The following NPSR1 variants were observed in gnomAD, a reference collection of about 807,000 sequenced individuals.
The protein encoded by NPSR1 is neuropeptide S receptor.
In NPSR1, 48 loss-of-function variants were observed where a neutral mutation model predicts 46.9. That is an observed-to-expected ratio of 1.02 (90% CI 0.81 to 1.30). The LOEUF is 1.30. Ranked by LOEUF, NPSR1 falls within the 50% of genes most tolerant of loss-of-function variation. NPSR1 has a pLI of 0.00. For synonymous variants in NPSR1, 176 were observed against 168.1 expected, an observed-to-expected ratio of 1.05 and a Z score of -0.36; for missense variants, 450 against 449.5, an observed-to-expected ratio of 1.00 and a Z score of -0.01.
chr7:34,664,451 C>T (rs10273903), intron 1 of NPSR1, among the ~76,000 whole-genome samples: 2 of 152,122 alleles, frequency 1.3e-5, no homozygotes, highest in Non-Finnish European at 2.9e-5. Context: ...CCACTCTTTT[C>T]TCAAGACAAC....
chr7:34,721,514 A>G (rs1328969551), intron 2 of NPSR1, among the ~76,000 whole-genome samples: 1 of 152,192 alleles, frequency 6.6e-6, no homozygotes, highest in East Asian at 1.9e-4. Context: ...TTGCCAAAGC[A>G]TTCTTATTCA....
intron 1 of NPSR1, among the ~76,000 whole-genome samples, chr7:34,678,483 A>G (rs2128679545): frequency 6.6e-6 from 1 of 152,208 alleles, no homozygotes; most frequent in Admixed American, 6.5e-5. Context: ...ATCTTGGAAA[A>G]TCTCTTACTT....
At position 34,658,237 on chromosome 7, in the gene NPSR1, G is replaced by A; in HGVS notation, c.-176G>A. On this transcript the variant is annotated 5_prime_UTR_variant, in exon 1 of 9. Transcript: ENST00000360581. ...CCTGGTGGTAATTGCCAAGGAGAGAGCAGCACGTAGATCCTCCCTGTCATC... is the reference window on the plus strand; with the variant it reads ...CCTGGTGGTAATTGCCAAGGAGAGAACAGCACGTAGATCCTCCCTGTCATC... 1.6e-6 allele frequency: 1 copy of A among 638,694 alleles called. No homozygotes were observed. Among genetic ancestry groups the A allele is most frequent in the Non-Finnish European group, 2.7e-6 (1 of 373,584 alleles). The allele number at this position is 638,694 out of a possible 1,614,324, so 39.6% of individuals were successfully genotyped here. A position where few individuals can be genotyped will look rare whatever the true frequency, so the allele number is the denominator to read the frequency against.
intron 1 of NPSR1, among the ~76,000 whole-genome samples, chr7:34,668,867 C>T (rs1336998359): frequency 1.3e-5 from 2 of 152,156 alleles, no homozygotes; most frequent in African/African-American, 2.4e-5. Context: ...TTCATGGTCA[C>T]GTCTGGTATC....
chr7:34,695,980 A>G (rs1029432305), intron 2 of NPSR1, among the ~76,000 whole-genome samples: 1 of 151,724 alleles, frequency 6.6e-6, no homozygotes, highest in Non-Finnish European at 1.5e-5. Context: ...TGAAATCACT[A>G]TATAAAAAAG....
In NPSR1 at chr7:34,818,120, G is replaced by T. The variant is rs1209930855; in HGVS notation, c.478+6257G>T. On this transcript the variant is annotated intron_variant, in intron 4 of 8. Transcript: ENST00000360581. ...GCGTATTCAATTAGGAAAAGAAGAA[G>T]TCAAATTGTCCCTATTTGTAGACCA... is the stretch of plus-strand genomic sequence containing the variant. Among the ~76,000 whole-genome samples the T allele has an allele frequency of 4.7e-5, 7 of 149,306 alleles. 1 individual carries two copies. Among genetic ancestry groups the T allele is most frequent in the Non-Finnish European group, 1.0e-4 (7 of 66,742 alleles).
intron 2 of NPSR1, among the ~76,000 whole-genome samples, chr7:34,727,879 T>C (rs1784239047): frequency 6.6e-6 from 1 of 152,106 alleles, no homozygotes; most frequent in Non-Finnish European, 1.5e-5. Context: ...CTCCCAAAGA[T>C]CGTTATTGAA....
At chr7:34,740,409 T>A (rs894501501) in intron 2 of NPSR1, among the ~76,000 whole-genome samples, 1 of 150,480 alleles carries the variant, frequency 6.6e-6, no homozygotes, top group Non-Finnish European at 1.5e-5. Context: ...CTCCCCCAAG[T>A]TCTGTCCAGG....
At chr7:34,815,588 G>A (rs539465510) in intron 4 of NPSR1, among the ~76,000 whole-genome samples, 1 of 152,160 alleles carries the variant, frequency 6.6e-6, no homozygotes, top group South Asian at 2.1e-4. Context: ...GATACTCCTC[G>A]AGAATAGCAA....
intron 2 of NPSR1, among the ~76,000 whole-genome samples, chr7:34,687,454 A>G (rs1562652229): frequency 1.3e-5 from 2 of 152,194 alleles, no homozygotes. Flanking sequence ...GAGGAAACTT[A>G]TTAATACAAT....
chr7:34,734,083 G>A (rs1379328977), intron 2 of NPSR1, among the ~76,000 whole-genome samples: 1 of 152,184 alleles, frequency 6.6e-6, no homozygotes, highest in Non-Finnish European at 1.5e-5. Context: ...AACCAGATTG[G>A]AGGAGGCAGG....
intron 8 of NPSR1, 96 bp from the exon 9 acceptor site, chr7:34,849,469 A>C: frequency 6.2e-7 from 1 of 1,603,486 alleles, no homozygotes; most frequent in Non-Finnish European, 8.5e-7. Flanking sequence ...TCTGACATTT[A>C]ATACATTTTT....
rs562273197 is a variant in NPSR1 at position 34,665,397 on chromosome 7, A to G, written c.147+6838A>G. 2.6e-5 allele frequency among the ~76,000 whole-genome samples: 4 copies of G among 152,300 alleles called. No homozygotes were observed. In the East Asian group the frequency reaches 7.7e-4, roughly 29 times the overall value. On this transcript the variant is annotated intron_variant, in intron 1 of 8. Coordinates refer to ENST00000360581, the MANE Select transcript of NPSR1 (RefSeq NM_207172.2). ...CAAGAATTAATTACCTCAATAGGCA[A>G]CAGAAACGCCCCCAGGGTCGAGGGT...
At chr7:34,833,831 C>A (rs1339421825) in intron 5 of NPSR1, among the ~76,000 whole-genome samples, 2 of 152,144 alleles carry the variant, frequency 1.3e-5, no homozygotes, top group Non-Finnish European at 2.9e-5. Context: ...ATTCATGGCA[C>A]CTTGCTTCTT....
chr7:34,815,019 G>A (rs1347414039), intron 4 of NPSR1, among the ~76,000 whole-genome samples: 1 of 152,144 alleles, frequency 6.6e-6, no homozygotes, highest in Non-Finnish European at 1.5e-5. Context: ...TCCTCCAAAG[G>A]ACTGCAACTC....
intron 1 of NPSR1, among the ~76,000 whole-genome samples, chr7:34,669,286 T>A (rs1791916026): frequency 1.3e-5 from 2 of 152,072 alleles, no homozygotes; most frequent in African/African-American, 4.8e-5. Flanking sequence ...AGGAAACTTG[T>A]TTATGGTGGC....
At chr7:34,837,188 C>T (rs1790406590) in intron 6 of NPSR1, among the ~76,000 whole-genome samples, 1 of 152,122 alleles carries the variant, frequency 6.6e-6, no homozygotes, top group African/African-American at 2.4e-5. Context: ...TCTACAGTTA[C>T]CTAAATCATA....
At chr7:34,828,228 C>A (rs923818123) in intron 5 of NPSR1, among the ~76,000 whole-genome samples, 1 of 152,148 alleles carries the variant, frequency 6.6e-6, no homozygotes, top group Non-Finnish European at 1.5e-5. Context: ...GGGGAGGAAG[C>A]AGAGTCTGTG....
intron 3 of NPSR1, among the ~76,000 whole-genome samples, chr7:34,791,489 A>C (rs916991710): frequency 1.7e-4 from 25 of 151,298 alleles, no homozygotes; most frequent in African/African-American, 5.6e-4. Context: ...AATACGTAGA[A>C]ATGAAGTTAA....
Sources: allele counts gnomAD v4.1 joint callset (sites outside exome capture counted in the v4.1 genomes callset), GRCh38; gene constraint gnomAD v4.1.1; transcripts MANE v1.5; gene names NCBI Gene and HGNC (gene_info 2026-07-23, HGNC 2026-07-21).